Variants in CFAP46 observed in about 807,000 individuals in gnomAD.
CFAP46 encodes cilia- and flagella-associated protein 46.
CFAP46 carries 245 observed loss-of-function variants against 325.7 expected under a neutral mutation model. The observed-to-expected ratio is 0.75, with a 90% CI of 0.68 to 0.84. CFAP46 has a LOEUF of 0.84. Ranked by LOEUF, CFAP46 falls within the 40% of genes least tolerant of loss-of-function variation. The probability of loss-of-function intolerance (pLI) is 0.00; values close to 1 mark genes in which losing one functional copy is unlikely to be tolerated. For synonymous variants in CFAP46, 1,523 were observed against 1,495.9 expected (o/e 1.02, Z -0.42); for missense variants, 3,346 against 3,543.0 (o/e 0.94, Z 1.41).
Position 132,922,215 on chromosome 10 carries a change from C to T in CFAP46, c.1495G>A (p.Ala499Thr), listed in dbSNP as rs1564801781. Residue 499 changes from alanine (A) to threonine (T), a missense_variant, in exon 13 of 58, where the codon GCT becomes ACT. By Grantham distance (58) the Ala-to-Thr change is moderately conservative. Coordinates refer to ENST00000368586, the MANE Select transcript of CFAP46 (RefSeq NM_001200049.3). ...AIMAVEQAKK[A>T]TPKDSVRKKR... ...TTCCTGACGCTGTCCTTTGGTGTAGCTTTTTTTGCCTGTGAAAAGCAGAGA... is the reference window on the plus strand; with the variant it reads ...TTCCTGACGCTGTCCTTTGGTGTAGTTTTTTTTGCCTGTGAAAAGCAGAGA... The T allele has an allele frequency of 1.3e-6, 2 of 1,549,260 alleles. No individual in the cohort carries two copies. Among genetic ancestry groups the T allele is most frequent in the South Asian group, 1.2e-5 (1 of 83,970 alleles).
chr10:132,909,971 G>A lies in CFAP46; in HGVS notation c.2597C>T (p.Ala866Val). ...RQQLIATWVK[A>V]KQLLQQQIGP... is the part of the protein sequence containing the mutation. ...AATCTGCTGCTGCAGCAGCTGCTTG[G>A]CCTTGACCCAGGTGGCGATAAGCTG... Residue 866 changes from alanine (A) to valine (V), a missense_variant, in exon 20 of 58, where the codon GCC (alanine) becomes GTC (valine). Coordinates refer to ENST00000368586, the MANE Select transcript of CFAP46 (RefSeq NM_001200049.3). 1.3e-6 allele frequency: 2 copies of A among 1,540,860 alleles called. No individual in the cohort carries two copies. Among genetic ancestry groups the A allele is most frequent in the Non-Finnish European group, 1.7e-6 (2 of 1,143,740 alleles).
rs1247881829 is a variant in CFAP46 at position 132,937,383 on chromosome 10, G to T, written c.660+169C>A. The T allele has an allele frequency of 3.1e-5, 23 of 750,628 alleles. No homozygotes were observed. The East Asian group carries it at 5.7e-4, about 19-fold the overall frequency. 46.5% of individuals were successfully genotyped at this position (750,628 alleles called of 1,614,324 possible). Reference sequence around the variant, plus strand: ...TCACAGTTCTATACATCTTTGCATTGGATGAACTGCTATTTCTTTTTAATA... The same window carrying T: ...TCACAGTTCTATACATCTTTGCATTTGATGAACTGCTATTTCTTTTTAATA... On this transcript the variant is annotated intron_variant, in intron 6 of 57. Transcript: ENST00000368586.
intron 17 of CFAP46, among the ~76,000 whole-genome samples, chr10:132,913,634 A>G (rs1046301113): frequency 6.6e-6 from 1 of 152,158 alleles, no homozygotes; most frequent in African/African-American, 2.4e-5. Context: ...CTCCCACGAA[A>G]CCAGTCCCTG....
chr10:132,835,948 C>A (rs1848235987), intron 46 of CFAP46, among the ~76,000 whole-genome samples, 194 bp downstream of exon 46: 1 of 96,822 alleles, frequency 1.0e-5, no homozygotes, highest in Non-Finnish European at 2.2e-5. Flanking sequence ...GCTCCCCCCT[C>A]CCCCCACTCC....
At chr10:132,920,782 T>A (rs11146035) in intron 13 of CFAP46, among the ~76,000 whole-genome samples, 3,984 of 152,256 alleles carry the variant, frequency 0.026, 83 homozygotes, top group Non-Finnish European at 0.026. Flanking sequence ...CGTGCCGCCC[T>A]CACTGCCCCT....
intron 25 of CFAP46, 72 bp downstream of exon 25, chr10:132,892,261 G>T: frequency 6.4e-6 from 9 of 1,405,464 alleles, no homozygotes; most frequent in Non-Finnish European, 8.8e-6. Flanking sequence ...AAAGCACCAC[G>T]TTTAAAATTG....
In CFAP46 at chr10:132,827,083, C is replaced by T. The variant is rs2134954562; in HGVS notation, c.7117+6275G>A. Among the ~76,000 whole-genome samples, 1 of 152,300 alleles carries T rather than the reference C, an allele frequency of 6.6e-6. No homozygotes were observed. The highest frequency in any genetic ancestry group is 3.4e-3 in the Middle Eastern group (1 of 294). ...TCGTGTCTGTGCCAACCGACTCCAGCTCCGGGCTCCCTGCCTCTCCACCCG... is the reference window on the plus strand; with the variant it reads ...TCGTGTCTGTGCCAACCGACTCCAGTTCCGGGCTCCCTGCCTCTCCACCCG... On this transcript the variant is annotated intron_variant, in intron 50 of 57. Transcript: ENST00000368586. The surrounding 1 kb of genome is among the most constrained non-coding windows in gnomAD (Gnocchi z 5.7).
chr10:132,857,088 T>C (rs969569350), intron 39 of CFAP46, among the ~76,000 whole-genome samples: 1 of 152,234 alleles, frequency 6.6e-6, no homozygotes, highest in Non-Finnish European at 1.5e-5. Flanking sequence ...GCTGGTGAAG[T>C]AGGTGCTGTT....
In CFAP46 at chr10:132,880,282, G is replaced by T. The variant is rs934324428; in HGVS notation, c.3799+579C>A. On this transcript the variant is annotated intron_variant, in intron 28 of 57. Coordinates refer to ENST00000368586, the MANE Select transcript of CFAP46 (RefSeq NM_001200049.3). ...CTGGGCTGATGCCCAGGCACTGGCA[G>T]TGTTTAAGCCCTGGATGATGCCAGT... 3.3e-5 allele frequency among the ~76,000 whole-genome samples: 5 copies of T among 152,360 alleles called. No homozygotes were observed. In the South Asian group the frequency reaches 1.0e-3, roughly 32 times the overall value.
intron 50 of CFAP46, among the ~76,000 whole-genome samples, chr10:132,816,586 G>A (rs1847700356): frequency 6.6e-6 from 1 of 152,088 alleles, no homozygotes; most frequent in Non-Finnish European, 1.5e-5. Flanking sequence ...GCCCACCTTG[G>A]CCTCCCAAAG....
intron 10 of CFAP46, 84 bp downstream of exon 10, chr10:132,926,484 A>C: frequency 9.9e-7 from 1 of 1,012,966 alleles, no homozygotes; most frequent in Non-Finnish European, 1.5e-6. Context: ...CAGCACCCTC[A>C]AGCCTGGGAC....
At chr10:132,844,819 C>T (rs1296471053) in intron 44 of CFAP46, among the ~76,000 whole-genome samples, 1 of 152,200 alleles carries the variant, frequency 6.6e-6, no homozygotes, top group East Asian at 1.9e-4. Context: ...GCTTGCTCCT[C>T]ACCTGTCCAG....
At chr10:132,892,495 C>T in intron 24 of CFAP46, 78 bp from the exon 25 acceptor site, 1 of 1,310,202 alleles carries the variant, frequency 7.6e-7, no homozygotes, top group Middle Eastern at 1.8e-4. Context: ...GAAACTCCCC[C>T]TCTGAGCTCT....
At chr10:132,936,681 T>TCCCCTCGGCATCCAAACACACC (rs1415193613) in intron 7 of CFAP46, among the ~76,000 whole-genome samples, 1 of 143,422 alleles carries the variant, frequency 7.0e-6, no homozygotes, top group Non-Finnish European at 1.5e-5. Flanking sequence ...GATCTCCTCC[T>TCCCCTCGGCATCCAAACACACC]ACAGGCTCTT....
intron 32 of CFAP46, 35 bp downstream of exon 32, chr10:132,872,641 G>A (rs553088793): frequency 8.4e-6 from 13 of 1,549,990 alleles, no homozygotes; most frequent in East Asian, 2.4e-5. Context: ...TTTTGCTTTG[G>A]GGAAATCACA....
At chr10:132,917,040 G>A (rs895223512) in intron 16 of CFAP46, among the ~76,000 whole-genome samples, 1 of 152,246 alleles carries the variant, frequency 6.6e-6, no homozygotes, top group African/African-American at 2.4e-5. Context: ...AATGTTTGAG[G>A]GGAAAGGTCT....
rs558673482 is a variant in CFAP46, at chr10:132,834,238, C to G, written c.6867-115G>C. 5 of 943,000 alleles carry G rather than the reference C, an allele frequency of 5.3e-6. No individual in the cohort carries two copies. In the Admixed American group the frequency reaches 1.1e-4, roughly 20 times the overall value. 58.4% of individuals were successfully genotyped at this position (943,000 alleles called of 1,614,324 possible). A position where few individuals can be genotyped will look rare whatever the true frequency, so the allele number is the denominator to read the frequency against. ...AAGGCAGCAGCACCACGAATCCCCA[C>G]GCTCACTTCTGGGGATGGTCCCACT... On this transcript the variant is annotated intron_variant, in intron 48 of 57. Transcript: ENST00000368586.
At chr10:132,838,169 G>A (rs1020564466) in intron 44 of CFAP46, among the ~76,000 whole-genome samples, 15 of 152,218 alleles carry the variant, frequency 9.9e-5, no homozygotes, top group African/African-American at 2.2e-4. Flanking sequence ...GACCCGGCAC[G>A]CAGTTCAGGC....
chr10:132,938,788 C>G, intron 4 of CFAP46, 35 bp from the exon 5 acceptor site: 1 of 1,592,586 alleles, frequency 6.3e-7, no homozygotes, highest in Non-Finnish European at 8.6e-7. Flanking sequence ...AGAGCACGCT[C>G]AAAGCCCAGC....
Sources: allele counts gnomAD v4.1 joint callset (sites outside exome capture counted in the v4.1 genomes callset), GRCh38; gene constraint gnomAD v4.1.1; non-coding constraint Gnocchi (gnomAD v3.1); transcripts MANE v1.5; gene names NCBI Gene and HGNC (gene_info 2026-07-23, HGNC 2026-07-21).